Variants in DEPTOR observed in about 807,000 individuals in gnomAD.
DEPTOR encodes DEP domain-containing mTOR-interacting protein.
DEPTOR carries 41 observed loss-of-function variants against 41.6 expected under a neutral mutation model. The observed-to-expected ratio is 0.98, with a 90% CI of 0.77 to 1.28. The LOEUF (loss-of-function observed/expected upper bound fraction) is 1.28. Among genes scored for constraint, DEPTOR ranks in the 50% most tolerant of loss-of-function variants. The pLI is 0.00. For missense variants in DEPTOR, 514 were observed against 527.9 expected, an observed-to-expected ratio of 0.97 and a Z score of 0.26; for synonymous variants, 195 against 192.3, an observed-to-expected ratio of 1.01 and a Z score of -0.12.
chr8:120,006,692 T>C, intron 6 of DEPTOR, 113 bp from the exon 7 acceptor site: 2 of 861,776 alleles, frequency 2.3e-6, no homozygotes, highest in Non-Finnish European at 3.8e-6. Context: ...GGCAGGGATC[T>C]TTGCCACTTT....
chr8:119,992,068 T>G (rs977894645), intron 4 of DEPTOR, among the ~76,000 whole-genome samples: 2 of 152,190 alleles, frequency 1.3e-5, no homozygotes, highest in African/African-American at 4.8e-5. Flanking sequence ...AAGGAATAGG[T>G]CTACCATCCA....
At chr8:119,921,948 AT>A (rs1470947039) in intron 1 of DEPTOR, among the ~76,000 whole-genome samples, 2 of 151,860 alleles carry the variant, frequency 1.3e-5, no homozygotes, top group African/African-American at 4.8e-5. Context: ...GTATTTAAAC[AT>A]AAATAGGCTG....
intron 8 of DEPTOR, among the ~76,000 whole-genome samples, chr8:120,038,393 A>G (rs544064644): frequency 5.9e-5 from 9 of 151,982 alleles, no homozygotes; most frequent in Non-Finnish European, 1.3e-4. Context: ...TGAGCTCAAG[A>G]GTTCAAGAGC....
intron 4 of DEPTOR, among the ~76,000 whole-genome samples, chr8:119,967,163 C>T (rs1468524091): frequency 6.6e-6 from 1 of 151,942 alleles, no homozygotes; most frequent in Non-Finnish European, 1.5e-5. Flanking sequence ...ACTGCAACTT[C>T]CGCCTCCCAG....
chr8:119,952,277 T>C (rs1828362850), intron 3 of DEPTOR, among the ~76,000 whole-genome samples: 1 of 152,188 alleles, frequency 6.6e-6, no homozygotes, highest in Non-Finnish European at 1.5e-5. Flanking sequence ...CCATTTAAAA[T>C]AGTCCCACTA....
At chr8:120,034,107 G>A (rs1278089691) in intron 8 of DEPTOR, among the ~76,000 whole-genome samples, 1 of 152,192 alleles carries the variant, frequency 6.6e-6, no homozygotes, top group East Asian at 1.9e-4. Context: ...TCCCCTGGGG[G>A]CATCCAGCAA....
In DEPTOR at chr8:119,874,999, A is replaced by C. The variant is rs372172946; in HGVS notation, c.122+1031A>C. 3.3e-4 allele frequency among the ~76,000 whole-genome samples: 50 copies of C among 152,294 alleles called. 1 individual carries two copies. Among genetic ancestry groups the C allele is most frequent in the African/African-American group, 1.2e-3 (48 of 41,552 alleles). On this transcript the variant is annotated intron_variant, in intron 1 of 8. Coordinates refer to ENST00000286234, the MANE Select transcript of DEPTOR (RefSeq NM_022783.4). ...TAAATGTCTGTGTTTCAGGACCTGA[A>C]AGAGTGTCTTGCAAAGGTCTCTGAA... is the stretch of plus-strand genomic sequence containing the variant.
intron 3 of DEPTOR, among the ~76,000 whole-genome samples, chr8:119,950,970 G>A (rs938393332): frequency 1.3e-5 from 2 of 152,092 alleles, no homozygotes; most frequent in Admixed American, 6.6e-5. Flanking sequence ...CACTTTGGGA[G>A]GCCAAGGTGG....
chr8:119,953,878 C>T (rs1192472045), intron 3 of DEPTOR, among the ~76,000 whole-genome samples: 1 of 148,328 alleles, frequency 6.7e-6, no homozygotes, highest in East Asian at 2.1e-4. Flanking sequence ...GATCTTGGCT[C>T]ACTGCAACCT....
At chr8:119,940,734 G>T (rs1016086101) in intron 3 of DEPTOR, among the ~76,000 whole-genome samples, 1 of 151,914 alleles carries the variant, frequency 6.6e-6, no homozygotes, top group Non-Finnish European at 1.5e-5. Context: ...GTGAAACTCC[G>T]TCTCAAATTA....
At chr8:120,002,791 A>AAATATATATATATATATAT in intron 5 of DEPTOR, among the ~76,000 whole-genome samples, 186 bp from the exon 6 acceptor site, 1 of 60,674 alleles carries the variant, frequency 1.6e-5, no homozygotes, top group Non-Finnish European at 2.9e-5. Flanking sequence ...AAAAAAAAAA[A>AAATATATATATATATATAT]ATATATATAT....
At chr8:120,047,372 AC>A (rs1268821401) in intron 8 of DEPTOR, among the ~76,000 whole-genome samples, 1 of 149,546 alleles carries the variant, frequency 6.7e-6, no homozygotes, top group African/African-American at 2.5e-5. Flanking sequence ...TTTATTTTTT[AC>A]TTTTATTTTT....
chr8:119,884,746 T>C (rs542279532), intron 1 of DEPTOR, among the ~76,000 whole-genome samples: 2 of 152,004 alleles, frequency 1.3e-5, no homozygotes, highest in East Asian at 3.9e-4. Context: ...TTTTTGGAGA[T>C]AGAGTCTCTC....
chr8:120,045,164 C>T (rs1032270807), intron 8 of DEPTOR, among the ~76,000 whole-genome samples: 3 of 152,106 alleles, frequency 2.0e-5, no homozygotes, highest in Non-Finnish European at 4.4e-5. Context: ...CTTGCTCTGA[C>T]CCCACTCTTG....
intron 8 of DEPTOR, among the ~76,000 whole-genome samples, chr8:120,011,381 G>T (rs1391709677): frequency 6.6e-6 from 1 of 152,178 alleles, no homozygotes; most frequent in Non-Finnish European, 1.5e-5. Context: ...ACTGCAGCAG[G>T]CACAGCACCA....
chr8:119,911,686 T>C (rs956501678), intron 1 of DEPTOR, among the ~76,000 whole-genome samples: 4 of 152,188 alleles, frequency 2.6e-5, no homozygotes, highest in Non-Finnish European at 5.9e-5. Context: ...TAACATTTCT[T>C]ATCCAGTGGA....
intron 8 of DEPTOR, among the ~76,000 whole-genome samples, chr8:120,045,520 G>A (rs181333309): frequency 3.8e-4 from 58 of 152,190 alleles, no homozygotes; most frequent in African/African-American, 1.3e-3. Flanking sequence ...ACTGGCGTGT[G>A]CCACCACACC....
intron 1 of DEPTOR, among the ~76,000 whole-genome samples, chr8:119,875,515 A>G (rs1206294062): frequency 6.6e-6 from 1 of 152,216 alleles, no homozygotes; most frequent in African/African-American, 2.4e-5. Flanking sequence ...GTAGAAGGTC[A>G]TCAATATATT....
chr8:119,889,120 A>C (rs1827413383), intron 1 of DEPTOR, among the ~76,000 whole-genome samples: 1 of 152,174 alleles, frequency 6.6e-6, no homozygotes, highest in African/African-American at 2.4e-5. Context: ...GGAAACATTA[A>C]AATGAAGTTA....
Sources: allele counts gnomAD v4.1 joint callset (sites outside exome capture counted in the v4.1 genomes callset), GRCh38; gene constraint gnomAD v4.1.1; transcripts MANE v1.5; gene names NCBI Gene and HGNC (gene_info 2026-07-23, HGNC 2026-07-21).